TSHZ2: variants seen among roughly 807,000 people sequenced by gnomAD.
The protein encoded by TSHZ2 is teashirt homolog 2.
TSHZ2 carries 21 observed loss-of-function variants against 74.4 expected under a neutral mutation model. That is an observed-to-expected ratio of 0.28 (90% CI 0.20 to 0.41). The LOEUF is 0.41. Among genes scored for constraint, TSHZ2 ranks in the 10% least tolerant of loss-of-function variants. The pLI, the probability that TSHZ2 is intolerant of heterozygous loss-of-function variation, is 1.00. For synonymous variants in TSHZ2, 540 were observed against 515.3 expected (o/e 1.05, Z -0.65); for missense variants, 1,244 against 1,293.5 (o/e 0.96, Z 0.59).
intron 2 of TSHZ2, among the ~76,000 whole-genome samples, chr20:53,388,994 T>C (rs1288347250): frequency 6.6e-6 from 1 of 152,218 alleles, no homozygotes; most frequent in African/African-American, 2.4e-5. Context: ...TTAATTCTCT[T>C]CCAGTGGATG....
chr20:53,472,971 C>A (rs145025377), intron 2 of TSHZ2, among the ~76,000 whole-genome samples: 2 of 151,900 alleles, frequency 1.3e-5, no homozygotes, highest in Admixed American at 6.5e-5. Flanking sequence ...CGGCGCACCA[C>A]GAGATTATAT....
At chr20:53,342,144 GATACGTTATTAT>G (rs1980229779) in intron 2 of TSHZ2, among the ~76,000 whole-genome samples, 2 of 152,082 alleles carry the variant, frequency 1.3e-5, no homozygotes. Flanking sequence ...AACCAGCACG[GATACGTTATTAT>G]GAACCAAAAT....
intron 1 of TSHZ2, among the ~76,000 whole-genome samples, chr20:53,238,534 C>CA (rs1393881986): frequency 6.6e-6 from 1 of 152,064 alleles, no homozygotes; most frequent in Non-Finnish European, 1.5e-5. Context: ...AAAAACAAAA[C>CA]AAAACACCAA....
At chr20:53,089,861 C>T (rs1985822857) in intron 1 of TSHZ2, among the ~76,000 whole-genome samples, 1 of 152,202 alleles carries the variant, frequency 6.6e-6, no homozygotes, top group Non-Finnish European at 1.5e-5. Context: ...AATCAGGGTT[C>T]TCCAGAGGGA....
chr20:53,081,536 C>T (rs926323814), intron 1 of TSHZ2, among the ~76,000 whole-genome samples: 1 of 152,194 alleles, frequency 6.6e-6, no homozygotes, highest in African/African-American at 2.4e-5. Context: ...GCTGGTGTGC[C>T]ACAAGCCCCA....
At chr20:53,208,898 G>A (rs1271569400) in intron 1 of TSHZ2, among the ~76,000 whole-genome samples, 1 of 152,164 alleles carries the variant, frequency 6.6e-6, no homozygotes, top group East Asian at 1.9e-4. Flanking sequence ...CCCCCTTACT[G>A]CTCTGCAGCT....
At chr20:53,055,056 C>G (rs1281257606) in intron 1 of TSHZ2, among the ~76,000 whole-genome samples, 5 of 152,292 alleles carry the variant, frequency 3.3e-5, no homozygotes, top group Middle Eastern at 3.4e-3. Context: ...CAACACTAAT[C>G]TGAAGGCTGA....
chr20:53,135,179 C>A (rs1007736985), intron 1 of TSHZ2, among the ~76,000 whole-genome samples: 6 of 152,034 alleles, frequency 3.9e-5, no homozygotes, highest in Admixed American at 3.3e-4. Context: ...TGACTTTCTC[C>A]TGTGGTATAC....
chr20:53,179,059 T>C (rs1305216458), intron 1 of TSHZ2: 6 of 152,174 alleles, frequency 3.9e-5, no homozygotes, highest in Non-Finnish European at 8.8e-5. Flanking sequence ...CTCTTTTCTT[T>C]TTAGTTTATC....
intron 1 of TSHZ2, among the ~76,000 whole-genome samples, chr20:53,001,141 T>G (rs1600638987): frequency 6.6e-6 from 1 of 151,790 alleles, no homozygotes; most frequent in Non-Finnish European, 1.5e-5. Context: ...CAACAGGAAC[T>G]CTATGAACCC....
At chr20:53,246,836 C>T (rs1336533055) in intron 1 of TSHZ2, among the ~76,000 whole-genome samples, 7 of 152,186 alleles carry the variant, frequency 4.6e-5, no homozygotes, top group Admixed American at 3.3e-4. Context: ...AGAGCTGTAA[C>T]GATGGCCCAG....
intron 1 of TSHZ2, among the ~76,000 whole-genome samples, chr20:53,140,020 C>T (rs1344086533): frequency 2.6e-5 from 4 of 151,548 alleles, no homozygotes; most frequent in South Asian, 2.1e-4. Context: ...TTCATTAATT[C>T]GTTCGACAAA....
At position 52,980,939 on chromosome 20, in the gene TSHZ2, T is replaced by C. The variant is rs116771524; in HGVS notation, c.40+7606T>C. Among the ~76,000 whole-genome samples, 1,025 of 152,322 alleles carry C rather than the reference T, an allele frequency of 6.7e-3. 14 individuals carry two copies. The highest frequency in any genetic ancestry group is 0.023 in the African/African-American group (974 of 41,566). On this transcript the variant is annotated intron_variant, in intron 1 of 2. Transcript: ENST00000371497. ...TTTATGTATTTAGGAGCCTCTCTTT[T>C]ATACCCCAGAGAGATATGAATAGCT...
At chr20:53,363,155 C>T (rs1462348310) in intron 2 of TSHZ2, among the ~76,000 whole-genome samples, 1 of 152,220 alleles carries the variant, frequency 6.6e-6, no homozygotes, top group Non-Finnish European at 1.5e-5. Flanking sequence ...TGGGAATGAG[C>T]CTCTGCTGCC....
At chr20:53,039,989 C>T (rs952936534) in intron 1 of TSHZ2, among the ~76,000 whole-genome samples, 1 of 151,990 alleles carries the variant, frequency 6.6e-6, no homozygotes, top group Non-Finnish European at 1.5e-5. Flanking sequence ...GCCTGTAGCC[C>T]CAGCCACTCG....
At position 53,352,790 on chromosome 20, in the gene TSHZ2, AAAAAG is replaced by A. The variant is rs200607644; in HGVS notation, c.*8+96223_*8+96227del. Among the ~76,000 whole-genome samples the A allele has an allele frequency of 1.3e-3, 179 of 139,032 alleles. 1 individual carries two copies. Among genetic ancestry groups the A allele is most frequent in the South Asian group, 1.8e-3 (8 of 4,448 alleles). The allele number at this position is 139,032 out of a possible 152,430, so 91.2% of individuals were successfully genotyped here. Reference sequence around the variant, plus strand: ...ATCTGTCTCAAACAAAAAAAAAAAAAAAAAGAAAGAAATAAGATGAGAATTTTAGG... The same window carrying A: ...ATCTGTCTCAAACAAAAAAAAAAAAAAAAGAAATAAGATGAGAATTTTAGG... On this transcript the variant is annotated intron_variant, in intron 2 of 2. Transcript: ENST00000371497.
At chr20:52,988,332 C>T (rs963204198) in intron 1 of TSHZ2, among the ~76,000 whole-genome samples, 7 of 151,918 alleles carry the variant, frequency 4.6e-5, no homozygotes, top group South Asian at 4.2e-4. Context: ...TGAATAGATA[C>T]GGAAACCTAA....
At chr20:53,051,230 T>G (rs1302081141) in intron 1 of TSHZ2, among the ~76,000 whole-genome samples, 1 of 152,066 alleles carries the variant, frequency 6.6e-6, no homozygotes, top group Non-Finnish European at 1.5e-5. Context: ...TCCCAGCTAC[T>G]TGGGAGGCTG....
intron 1 of TSHZ2, among the ~76,000 whole-genome samples, chr20:53,192,456 A>G (rs1461068435): frequency 6.6e-6 from 1 of 152,082 alleles, no homozygotes; most frequent in African/African-American, 2.4e-5. Flanking sequence ...AGAAAGGGAG[A>G]AAGTGGTAAG....
Sources: allele counts gnomAD v4.1 joint callset (sites outside exome capture counted in the v4.1 genomes callset), GRCh38; gene constraint gnomAD v4.1.1; transcripts MANE v1.5; gene names NCBI Gene and HGNC (gene_info 2026-07-23, HGNC 2026-07-21).